The following RFX3 variants were observed in gnomAD, a reference collection of about 807,000 sequenced individuals.
RFX3 encodes the protein transcription factor RFX3.
Under a neutral mutation model 98.6 loss-of-function variants are expected in RFX3, and 14 were observed. That is an observed-to-expected ratio of 0.14 (90% confidence interval 0.09 to 0.22). The LOEUF is 0.22. Ranked by LOEUF, RFX3 falls within the 10% of genes least tolerant of loss-of-function variation. RFX3 has a pLI of 1.00. For synonymous variants in RFX3, 383 were observed against 328.4 expected (o/e 1.17, Z -1.80); for missense variants, 639 against 926.9 (o/e 0.69, Z 4.03).
intron 3 of RFX3, among the ~76,000 whole-genome samples, chr9:3,342,657 A>T (rs1009446748): frequency 1.3e-5 from 2 of 152,134 alleles, no homozygotes; most frequent in East Asian, 1.9e-4. Flanking sequence ...GGAAGAAAAA[A>T]ATCATTTTAT....
At chr9:3,320,760 C>A in intron 4 of RFX3, among the ~76,000 whole-genome samples, 2 of 100,746 alleles carry the variant, frequency 2.0e-5, no homozygotes, top group Admixed American at 1.2e-4. Flanking sequence ...ATAATGCATG[C>A]TACATAGCAT....
intron 2 of RFX3, among the ~76,000 whole-genome samples, chr9:3,394,461 C>T (rs888107870): frequency 6.6e-6 from 1 of 152,078 alleles, no homozygotes; most frequent in African/African-American, 2.4e-5. Context: ...ACTCCCGTCT[C>T]AAAAAACAAA....
chr9:3,347,937 G>A (rs72699067), intron 2 of RFX3, among the ~76,000 whole-genome samples: 26,797 of 152,124 alleles, frequency 0.18, 3,118 homozygotes, highest in African/African-American at 0.33. Flanking sequence ...TATCATTTAT[G>A]AAACATTAAC....
chr9:3,323,873 C>G (rs1026119861), intron 4 of RFX3: 2 of 201,110 alleles, frequency 9.9e-6, no homozygotes, highest in African/African-American at 2.3e-5. Flanking sequence ...AAAATTACTG[C>G]CTCTAGATCT....
At chr9:3,392,116 G>T (rs971754595) in intron 2 of RFX3, among the ~76,000 whole-genome samples, 3 of 152,098 alleles carry the variant, frequency 2.0e-5, no homozygotes, top group Non-Finnish European at 2.9e-5. Context: ...AAAAAGCCTT[G>T]TCAGTCAGAT....
chr9:3,424,157 G>A (rs1461943009), intron 1 of RFX3, among the ~76,000 whole-genome samples: 1 of 149,924 alleles, frequency 6.7e-6, no homozygotes, highest in Non-Finnish European at 1.5e-5. Flanking sequence ...AAAAAAAAAA[G>A]AAGAAGAACT....
In RFX3 at chr9:3,504,855, A is replaced by G. The variant is rs1279628676; in HGVS notation, c.-9+20892T>C. Among the ~76,000 whole-genome samples the G allele has an allele frequency of 1.5e-4, 12 of 79,458 alleles. 1 individual carries two copies. Among genetic ancestry groups the G allele is most frequent in the African/African-American group, 7.5e-4 (12 of 16,096 alleles). The allele number at this position is 79,458 out of a possible 152,430, so 52.1% of individuals were successfully genotyped here. The stretch of plus-strand genomic sequence containing the variant: ...TATGTATAAAATATATATATTATAT[A>G]TGATATAATATATATTATATATATT... On this transcript the variant is annotated intron_variant, in intron 1 of 16. Coordinates refer to ENST00000617270, the MANE Select transcript of RFX3 (RefSeq NM_001282116.2).
At chr9:3,465,591 G>A (rs539580551) in intron 1 of RFX3, among the ~76,000 whole-genome samples, 2 of 151,350 alleles carry the variant, frequency 1.3e-5, no homozygotes, top group East Asian at 3.9e-4. Flanking sequence ...AGCGTGAGCC[G>A]CTGCACTTGG....
At chr9:3,307,041 T>G (rs1178746608) in intron 4 of RFX3, among the ~76,000 whole-genome samples, 1 of 152,000 alleles carries the variant, frequency 6.6e-6, no homozygotes. Context: ...GATTTCATGG[T>G]TTTAAAAACG....
intron 2 of RFX3, among the ~76,000 whole-genome samples, chr9:3,360,960 T>G (rs1482781672): frequency 1.3e-5 from 2 of 152,210 alleles, no homozygotes; most frequent in African/African-American, 4.8e-5. Context: ...TTCTTTATTA[T>G]GTCAAGGCCT....
intron 2 of RFX3, among the ~76,000 whole-genome samples, chr9:3,379,870 C>T (rs1372077204): frequency 6.7e-6 from 1 of 150,048 alleles, no homozygotes; most frequent in African/African-American, 2.5e-5. Flanking sequence ...ACCTTTATAA[C>T]TTATGGGCAA....
chr9:3,263,851 G>T (rs1240950171), intron 12 of RFX3, among the ~76,000 whole-genome samples: 1 of 152,142 alleles, frequency 6.6e-6, no homozygotes, highest in Non-Finnish European at 1.5e-5. Context: ...GAGATGGAAG[G>T]ATGGGAAGAA....
chr9:3,348,791 T>C (rs2920382), intron 2 of RFX3, among the ~76,000 whole-genome samples: 24,717 of 151,996 alleles, frequency 0.16, 2,467 homozygotes, highest in African/African-American at 0.29. Flanking sequence ...CTTGCTAAAA[T>C]TGTCCCATTG....
At chr9:3,417,270 T>C (rs1017742779) in intron 1 of RFX3, among the ~76,000 whole-genome samples, 2 of 152,078 alleles carry the variant, frequency 1.3e-5, no homozygotes, top group Non-Finnish European at 1.5e-5. Context: ...TTTATACCCC[T>C]TTTAATGATA....
chr9:3,265,247 C>T (rs571931371), intron 12 of RFX3, among the ~76,000 whole-genome samples: 90 of 152,264 alleles, frequency 5.9e-4, no homozygotes, highest in African/African-American at 2.0e-3. Flanking sequence ...ATTTAAATAG[C>T]CACACGTGGC....
chr9:3,471,041 A>T (rs578213346), intron 1 of RFX3, among the ~76,000 whole-genome samples: 14 of 152,212 alleles, frequency 9.2e-5, no homozygotes, highest in Non-Finnish European at 2.1e-4. Flanking sequence ...TGTAATTCTC[A>T]CAAATCTGTG....
intron 1 of RFX3, among the ~76,000 whole-genome samples, chr9:3,404,220 A>G (rs1197470308): frequency 2.0e-5 from 3 of 152,226 alleles, no homozygotes; most frequent in African/African-American, 7.2e-5. Flanking sequence ...ATTCATATAC[A>G]CATAAATTCT....
At chr9:3,375,885 A>G (rs555769009) in intron 2 of RFX3, among the ~76,000 whole-genome samples, 56 of 151,996 alleles carry the variant, frequency 3.7e-4, no homozygotes, top group Non-Finnish European at 7.4e-4. Flanking sequence ...GCTTGAACCC[A>G]TGAAGCAGAG....
chr9:3,303,507 G>A (rs912209827), intron 4 of RFX3, among the ~76,000 whole-genome samples: 2 of 151,834 alleles, frequency 1.3e-5, no homozygotes, highest in African/African-American at 4.8e-5. Flanking sequence ...AAAATGATCT[G>A]TAACTTTTGA....
Sources: gnomAD v4.1 joint callset for allele counts (sites outside exome capture counted in the v4.1 genomes callset) on GRCh38, gnomAD v4.1.1 for gene constraint, MANE v1.5 for transcripts, NCBI Gene and HGNC (gene_info 2026-07-23, HGNC 2026-07-21) for gene names.